The following UMODL1 variants were observed in gnomAD, a reference collection of about 807,000 sequenced individuals.
UMODL1 encodes uromodulin like 1, also known as uromodulin-like 1.
A neutral mutation model predicts 136.3 loss-of-function variants in UMODL1; 128 were observed. The observed-to-expected ratio is 0.94, with a 90% CI of 0.81 to 1.09. The LOEUF (loss-of-function observed/expected upper bound fraction) is 1.09, where lower values mean the gene tolerates loss of function less well. UMODL1 is among the 50% of genes least tolerant of loss of function. UMODL1 has a pLI of 0.00. For missense variants in UMODL1, 1,766 were observed against 1,725.6 expected (o/e 1.02, Z -0.41); for synonymous variants, 721 against 720.0 (o/e 1.00, Z -0.02).
intron 9 of UMODL1, among the ~76,000 whole-genome samples, chr21:42,106,499 C>T (rs538870369): frequency 6.6e-6 from 1 of 152,354 alleles, no homozygotes; most frequent in African/African-American, 2.4e-5. Context: ...AGATGAGGCG[C>T]TGTTCGCCCG....
chr21:42,104,032 GC>G lies in UMODL1; in HGVS notation c.1468del (p.Leu490CysfsTer67), dbSNP rs772697465. On this transcript the variant is annotated frameshift_variant, in exon 9 of 23. Coordinates refer to ENST00000408910, the MANE Select transcript of UMODL1 (RefSeq NM_001004416.3). LOFTEE classifies it high-confidence loss of function. ...TCTCCACGCTGGCCCCCATACTCCA[GC>G]CCCTGTTGGCAAGCACAGTGTTCCA... Reference protein sequence around the residue: ...GISTLAPILQPLLASTVFQID... With the variant: ...GISTLAPILQXLLASTVFQID... 9 of 1,613,810 alleles carry G rather than the reference GC, an allele frequency of 5.6e-6. No individual in the cohort carries two copies. Among genetic ancestry groups the G allele is most frequent in the Non-Finnish European group, 7.6e-6 (9 of 1,180,026 alleles).
intron 15 of UMODL1, 144 bp downstream of exon 15, chr21:42,119,468 G>T: frequency 2.8e-6 from 2 of 717,802 alleles, no homozygotes; most frequent in South Asian, 3.4e-5. Flanking sequence ...ATGTGAAATA[G>T]ATAGGACCCT....
chr21:42,121,497 T>C (rs2066972100), intron 16 of UMODL1, among the ~76,000 whole-genome samples: 1 of 152,156 alleles, frequency 6.6e-6, no homozygotes, highest in Non-Finnish European at 1.5e-5. Context: ...CTGATATCCA[T>C]GGAGAGAAAA....
At chr21:42,078,982 G>C (rs1268167425) in intron 2 of UMODL1, among the ~76,000 whole-genome samples, 1 of 152,214 alleles carries the variant, frequency 6.6e-6, no homozygotes, top group African/African-American at 2.4e-5. Flanking sequence ...GATAGCGGGG[G>C]GCCATTAGGA....
intron 20 of UMODL1, chr21:42,128,246 C>T (rs1157835850): frequency 1.3e-5 from 4 of 297,540 alleles, no homozygotes; most frequent in Admixed American, 4.8e-5. Flanking sequence ...AAGTTTTTTC[C>T]CCTTTCCTTT....
At chr21:42,106,721 C>T (rs2066726262) in intron 9 of UMODL1, among the ~76,000 whole-genome samples, 1 of 152,242 alleles carries the variant, frequency 6.6e-6, no homozygotes. Context: ...AAACCTCCTG[C>T]TCACTTTGCC....
chr21:42,087,197 G>A (rs2066436266), intron 4 of UMODL1, among the ~76,000 whole-genome samples: 1 of 152,178 alleles, frequency 6.6e-6, no homozygotes, highest in Non-Finnish European at 1.5e-5. Context: ...CTGCAGAAGC[G>A]CCTGCCTTGC....
chr21:42,097,422 CTA>C (rs2066571489), intron 6 of UMODL1, among the ~76,000 whole-genome samples: 1 of 152,178 alleles, frequency 6.6e-6, no homozygotes, highest in African/African-American at 2.4e-5. Flanking sequence ...GACAGCAGGG[CTA>C]TGTCGCGTGG....
intron 1 of UMODL1, among the ~76,000 whole-genome samples, chr21:42,074,908 G>T (rs1382147265): frequency 1.4e-5 from 2 of 146,830 alleles, no homozygotes; most frequent in African/African-American, 2.5e-5. Context: ...TTTTATTTTT[G>T]TTTTTTTTTT....
chr21:42,134,968 G>A (rs1304106304), intron 21 of UMODL1, among the ~76,000 whole-genome samples: 1 of 152,164 alleles, frequency 6.6e-6, no homozygotes, highest in African/African-American at 2.4e-5. Flanking sequence ...TGCAGAACGT[G>A]CAGGTTGTTA....
Position 42,084,096 on chromosome 21 carries a change from C to A in UMODL1, c.332C>A (p.Ser111Tyr). The A allele has an allele frequency of 6.2e-7, 1 of 1,614,030 alleles. No homozygotes were observed. Among genetic ancestry groups the A allele is most frequent in the Non-Finnish European group, 8.5e-7 (1 of 1,179,968 alleles). The change falls in exon 3 of 23, where the codon TCC becomes TAC. Residue 111 changes from serine to tyrosine, a missense_variant. By Grantham distance (144) the Ser-to-Tyr change is moderately radical (BLOSUM62 -2). Coordinates refer to ENST00000408910, the MANE Select transcript of UMODL1 (RefSeq NM_001004416.3). Reference protein sequence around the residue: ...GLYCVLPLNQSGQFTSRPGAC... With the variant: ...GLYCVLPLNQYGQFTSRPGAC... ...CATTTTCTCCCAGCCCTGAATCAGTCCGGGCAGTTCACGTCAAGACCTGGG... is the reference window on the plus strand; with the variant it reads ...CATTTTCTCCCAGCCCTGAATCAGTACGGGCAGTTCACGTCAAGACCTGGG...
At chr21:42,107,069 C>T (rs548408675) in intron 9 of UMODL1, among the ~76,000 whole-genome samples, 1 of 152,318 alleles carries the variant, frequency 6.6e-6, no homozygotes, top group East Asian at 1.9e-4. Flanking sequence ...CTGGTCCTTC[C>T]GCCTCACGGG....
At chr21:42,118,824 C>T (rs2066931218) in intron 14 of UMODL1, among the ~76,000 whole-genome samples, 1 of 152,160 alleles carries the variant, frequency 6.6e-6, no homozygotes, top group African/African-American at 2.4e-5. Context: ...AGGGTCTCTG[C>T]CTGTGCCCCC....
intron 21 of UMODL1, among the ~76,000 whole-genome samples, chr21:42,131,131 CAG>C (rs1232140249): frequency 6.6e-6 from 1 of 152,162 alleles, no homozygotes; most frequent in Non-Finnish European, 1.5e-5. Flanking sequence ...ACTTTTATGA[CAG>C]AAGGAAAGAA....
chr21:42,065,899 C>T (rs1755071677), intron 1 of UMODL1, among the ~76,000 whole-genome samples: 1 of 152,184 alleles, frequency 6.6e-6, no homozygotes, highest in Non-Finnish European at 1.5e-5. Context: ...GGCTGGCACC[C>T]TATTCTCCAG....
intron 21 of UMODL1, among the ~76,000 whole-genome samples, chr21:42,134,689 A>C (rs1331167511): frequency 6.6e-6 from 1 of 152,036 alleles, no homozygotes; most frequent in Non-Finnish European, 1.5e-5. Flanking sequence ...ATCTCGGCTC[A>C]CTGCAGCTTC....
intron 21 of UMODL1, among the ~76,000 whole-genome samples, chr21:42,135,552 T>C (rs220171): frequency 0.44 from 67,244 of 151,982 alleles, 15,302 homozygotes; most frequent in East Asian, 0.69. Context: ...CTTTCTACTC[T>C]GCATCCTCAG....
At chr21:42,128,107 C>T (rs944689693) in intron 20 of UMODL1, 19 of 557,560 alleles carry the variant, frequency 3.4e-5, no homozygotes, top group South Asian at 4.6e-5. Context: ...CCGGCTGTCG[C>T]GTCAGCACTG....
Position 42,090,493 on chromosome 21 carries a change from C to T in UMODL1, c.931+55C>T, listed in dbSNP as rs553180772. On this transcript the variant is annotated intron_variant, in intron 6 of 22. Transcript: ENST00000408910. ...GGAATGGCTTAATTCCTGTTTGCCC[C>T]GGGAATACTCACCAGCAGTGCTTAC... 218 of 1,596,230 alleles carry T rather than the reference C, an allele frequency of 1.4e-4. 2 individuals are homozygous for T. In the South Asian group the frequency reaches 1.8e-3, roughly 13 times the overall value.
Sources: gnomAD v4.1 joint callset for allele counts (sites outside exome capture counted in the v4.1 genomes callset) on GRCh38, gnomAD v4.1.1 for gene constraint, MANE v1.5 for transcripts, NCBI Gene and HGNC (gene_info 2026-07-23, HGNC 2026-07-21) for gene names.